Variants in KANSL3 observed in about 807,000 individuals in gnomAD.
The protein encoded by KANSL3 is KAT8 regulatory NSL complex subunit 3.
Under a neutral mutation model 89.2 loss-of-function variants are expected in KANSL3, and 16 were observed. The ratio of observed to expected loss-of-function variants is 0.18; its 90% CI spans 0.12 to 0.27. The LOEUF is 0.27. Among genes scored for constraint, KANSL3 ranks in the 10% least tolerant of loss-of-function variants. KANSL3 has a pLI of 1.00. For missense variants in KANSL3, 879 were observed against 1,110.6 expected (o/e 0.79, Z 2.96); for synonymous variants, 385 against 419.7 (o/e 0.92, Z 1.01).
the KANSL3 span, among the ~76,000 whole-genome samples, chr2:96,584,166 C>T: frequency 6.6e-6 from 1 of 151,932 alleles, no homozygotes; most frequent in Non-Finnish European, 1.5e-5. Flanking sequence ...ATTCTTTTTT[C>T]ACTTTTATTT....
At chr2:96,604,415 G>A (rs762890866) in intron 16 of KANSL3, 35 bp from the exon 17 acceptor site, 3 of 1,600,444 alleles carry the variant, frequency 1.9e-6, no homozygotes, top group Non-Finnish European at 2.5e-6. Flanking sequence ...TTATCCAAAG[G>A]TCACAGGACA....
At position 96,597,299 on chromosome 2, in the gene KANSL3, G is replaced by A. The variant is rs1003794048; in HGVS notation, c.2617-1668C>T. On this transcript the variant is annotated intron_variant, in intron 20 of 20. Coordinates refer to ENST00000431828, the MANE Select transcript of KANSL3 (RefSeq NM_001115016.3). ...TGTTTCTAAGCATTAAAAAACGTCG[G>A]TTTCCAAAGCCTGAGGAGATTCTGA... Among the ~76,000 whole-genome samples the A allele has an allele frequency of 2.0e-5, 3 of 152,268 alleles. No homozygotes were observed. The South Asian group carries it at 6.2e-4, about 32-fold the overall frequency.
chr2:96,622,722 C>T (rs2071534151), intron 3 of KANSL3, among the ~76,000 whole-genome samples: 1 of 152,210 alleles, frequency 6.6e-6, no homozygotes, highest in South Asian at 2.1e-4. Context: ...CAGATCTTAT[C>T]ATCCATGACT....
intron 16 of KANSL3, 86 bp downstream of exon 16, chr2:96,604,693 T>C: frequency 1.7e-6 from 2 of 1,192,054 alleles, no homozygotes; most frequent in Non-Finnish European, 1.2e-6. Flanking sequence ...GAATCCAGAA[T>C]CCATCATTTT....
intron 3 of KANSL3, among the ~76,000 whole-genome samples, chr2:96,624,051 A>G (rs1320198578): frequency 1.3e-5 from 2 of 152,244 alleles, no homozygotes; most frequent in African/African-American, 2.4e-5. Context: ...CTGCTACTTC[A>G]TCAGGATCCA....
intron 20 of KANSL3, among the ~76,000 whole-genome samples, chr2:96,599,206 G>A (rs1361517439): frequency 6.6e-6 from 1 of 152,158 alleles, no homozygotes; most frequent in African/African-American, 2.4e-5. Context: ...ATGATGAATG[G>A]ACTCATCCTT....
chr2:96,633,941 C>A (rs578046892), intron 2 of KANSL3, among the ~76,000 whole-genome samples: 74 of 152,286 alleles, frequency 4.9e-4, no homozygotes, highest in African/African-American at 1.7e-3. Context: ...ATACACGTGG[C>A]GGCAGTTACC....
chr2:96,613,119 C>T (rs2069318120), intron 6 of KANSL3, among the ~76,000 whole-genome samples, 185 bp from the exon 7 acceptor site: 1 of 152,202 alleles, frequency 6.6e-6, no homozygotes. Flanking sequence ...TGGCTCACAC[C>T]TGCAATCCCA....
At chr2:96,632,546 T>A (rs374994703) in intron 2 of KANSL3, among the ~76,000 whole-genome samples, 30 of 152,290 alleles carry the variant, frequency 2.0e-4, no homozygotes, top group African/African-American at 7.0e-4. Flanking sequence ...TTTTGTTTAG[T>A]AGGCTACAGC....
chr2:96,581,975 C>G, the KANSL3 span, among the ~76,000 whole-genome samples: 2 of 152,176 alleles, frequency 1.3e-5, no homozygotes, highest in Non-Finnish European at 2.9e-5. Context: ...GGGCCTCTTT[C>G]CTCTTGTCCT....
Position 96,595,643 on chromosome 2 carries a change from G to A in KANSL3, c.2617-12C>T. ...GCTGGAGGCAGGCGCTGTGGCAGGA[G>A]AGGTAGTGAAGAAGGGTCAAAGCTT... On this transcript the variant is annotated splice_polypyrimidine_tract_variant and intron_variant, in intron 20 of 20. Transcript: ENST00000431828. 1.9e-6 allele frequency: 3 copies of A among 1,613,698 alleles called. No homozygotes were observed. Among genetic ancestry groups the A allele is most frequent in the Non-Finnish European group, 2.5e-6 (3 of 1,179,742 alleles).
chr2:96,607,678 A>G (rs987534721), intron 14 of KANSL3, among the ~76,000 whole-genome samples: 11 of 152,314 alleles, frequency 7.2e-5, no homozygotes, highest in Admixed American at 1.3e-4. Flanking sequence ...CAAACTCACA[A>G]GAGGTCTGGG....
intron 3 of KANSL3, among the ~76,000 whole-genome samples, chr2:96,626,027 T>G (rs770200446): frequency 1.2e-4 from 19 of 152,198 alleles, no homozygotes; most frequent in Non-Finnish European, 2.6e-4. Context: ...CTTTCTTAGA[T>G]GAGATCAGAA....
chr2:96,638,227 CCACGG>C (rs2074546108), intron 1 of KANSL3, 51 bp downstream of exon 1: 5 of 152,406 alleles, frequency 3.3e-5, no homozygotes, highest in Admixed American at 1.3e-4. Context: ...GCCGTCCCAA[CCACGG>C]CCGCGATCCC....
At chr2:96,604,154 A>G in intron 17 of KANSL3, 96 bp downstream of exon 17, 1 of 1,393,416 alleles carries the variant, frequency 7.2e-7, no homozygotes, top group Non-Finnish European at 9.5e-7. Context: ...GGCCCATCCT[A>G]TGGATTTAGC....
At chr2:96,637,695 ACTT>A (rs1475993371) in intron 1 of KANSL3, among the ~76,000 whole-genome samples, 1 of 152,238 alleles carries the variant, frequency 6.6e-6, no homozygotes, top group African/African-American at 2.4e-5. Flanking sequence ...CTAGGGCTCC[ACTT>A]CTTCAAGCCT....
chr2:96,592,330 G>A (rs531067058), downstream of KANSL3, among the ~76,000 whole-genome samples: 3 of 152,276 alleles, frequency 2.0e-5, no homozygotes, highest in African/African-American at 7.2e-5. Context: ...ATAATCTAGA[G>A]GTTGGAATTC....
intron 11 of KANSL3, among the ~76,000 whole-genome samples, chr2:96,610,146 G>A (rs1359759119): frequency 6.6e-6 from 1 of 151,832 alleles, no homozygotes; most frequent in East Asian, 1.9e-4. Context: ...ACAGTATCAT[G>A]TAGATGTTAA....
chr2:96,618,333 AC>A (rs1372913784), intron 5 of KANSL3, among the ~76,000 whole-genome samples: 9 of 152,160 alleles, frequency 5.9e-5, no homozygotes, highest in Admixed American at 5.9e-4. Context: ...GGGACTACAG[AC>A]GTGTGCCACC....
Sources: allele counts gnomAD v4.1 joint callset (sites outside exome capture counted in the v4.1 genomes callset), GRCh38; gene constraint gnomAD v4.1.1; transcripts MANE v1.5; gene names NCBI Gene and HGNC (gene_info 2026-07-23, HGNC 2026-07-21).